Variants in TSNARE1 observed in about 807,000 individuals in gnomAD.
The protein encoded by TSNARE1 is t-SNARE domain containing 1, also known as t-SNARE domain-containing protein 1.
TSNARE1 carries 49 observed loss-of-function variants against 62.0 expected under a neutral mutation model. The observed-to-expected ratio is 0.79, with a 90% CI of 0.63 to 1.00. TSNARE1 has a LOEUF of 1.00. Ranked by LOEUF, TSNARE1 falls within the 50% of genes least tolerant of loss-of-function variation. TSNARE1 has a pLI of 0.00. For missense variants in TSNARE1, 755 were observed against 700.1 expected, an observed-to-expected ratio of 1.08 and a Z score of -0.88; for synonymous variants, 328 against 294.4, an observed-to-expected ratio of 1.11 and a Z score of -1.17.
intron 1 of TSNARE1, among the ~76,000 whole-genome samples, chr8:142,376,771 G>A (rs959044681): frequency 6.6e-5 from 10 of 152,130 alleles, no homozygotes; most frequent in South Asian, 2.1e-4. Flanking sequence ...CTGTAACCCC[G>A]AGTGGCAGAC....
In TSNARE1 at chr8:142,246,121, C is replaced by G. The variant is rs74894505; in HGVS notation, c.1447-16542G>C. On this transcript the variant is annotated intron_variant, in intron 12 of 13. Transcript: ENST00000524325. The stretch of plus-strand genomic sequence containing the variant: ...CCCCACTCTTCGGTTCCACAGCCCC[C>G]GTCCCATAAGGGTCCCAAAGAGGGT... 7.0e-3 allele frequency among the ~76,000 whole-genome samples: 1,067 copies of G among 152,316 alleles called. 7 individuals carry two copies. Among genetic ancestry groups the G allele is most frequent in the African/African-American group, 0.024 (992 of 41,564 alleles).
intron 4 of TSNARE1, 101 bp from the exon 5 acceptor site, chr8:142,331,932 G>C: frequency 8.4e-7 from 1 of 1,194,064 alleles, no homozygotes; most frequent in Non-Finnish European, 1.2e-6. Flanking sequence ...GCAGGGACCC[G>C]ACAGGCAGCA....
At chr8:142,343,401 A>G (rs1182964158) in intron 4 of TSNARE1, among the ~76,000 whole-genome samples, 1 of 151,406 alleles carries the variant, frequency 6.6e-6, no homozygotes, top group Non-Finnish European at 1.5e-5. Context: ...ACGCGTGGCC[A>G]TGGGGAGCGT....
chr8:142,306,482 C>A (rs1193397663), intron 9 of TSNARE1, among the ~76,000 whole-genome samples: 1 of 152,238 alleles, frequency 6.6e-6, no homozygotes, highest in Non-Finnish European at 1.5e-5. Flanking sequence ...TGAGCCCAAG[C>A]TGGGTCTGAG....
intron 6 of TSNARE1, chr8:142,326,239 T>G: frequency 7.1e-6 from 1 of 140,278 alleles, no homozygotes; most frequent in Admixed American, 8.3e-5. Context: ...ATGAGACGGA[T>G]GAGGAACCAG....
intron 1 of TSNARE1, among the ~76,000 whole-genome samples, chr8:142,391,047 G>GTAACAGACGCTGTACACTGCGGGGGACTC (rs1333442337): frequency 4.7e-4 from 59 of 124,944 alleles, no homozygotes; most frequent in Non-Finnish European, 7.7e-4. Context: ...GGGGGACTCT[G>GTAACAGACGCTGTACACTGCGGGGGACTC]TAACAGACGC....
intron 9 of TSNARE1, among the ~76,000 whole-genome samples, chr8:142,309,125 T>G (rs1184614618): frequency 2.0e-5 from 3 of 152,246 alleles, no homozygotes; most frequent in African/African-American, 7.2e-5. Context: ...CAATGTCTTC[T>G]TGTCTAGTGA....
At chr8:142,261,813 T>G (rs1818905995) in intron 12 of TSNARE1, among the ~76,000 whole-genome samples, 1 of 152,190 alleles carries the variant, frequency 6.6e-6, no homozygotes, top group African/African-American at 2.4e-5. Context: ...TCCTCCAACA[T>G]GCTACGAGTC....
chr8:142,365,478 A>C (rs75403822), intron 1 of TSNARE1, among the ~76,000 whole-genome samples: 5,989 of 152,312 alleles, frequency 0.039, 166 homozygotes, highest in Non-Finnish European at 0.056. Context: ...ATCCATGTCA[A>C]TGTCCTGATC....
chr8:142,382,057 C>A (rs1448670091), intron 1 of TSNARE1, among the ~76,000 whole-genome samples: 1 of 152,156 alleles, frequency 6.6e-6, no homozygotes, highest in Non-Finnish European at 1.5e-5. Context: ...CGTTCCCAGG[C>A]CCACGCGCCC....
intron 13 of TSNARE1, among the ~76,000 whole-genome samples, chr8:142,220,149 G>A (rs1000793464): frequency 1.3e-5 from 2 of 152,222 alleles, no homozygotes; most frequent in African/African-American, 2.4e-5. Flanking sequence ...CGGGCAGTGA[G>A]CTCCACGGCC....
intron 10 of TSNARE1, among the ~76,000 whole-genome samples, chr8:142,298,892 C>T (rs1366951032): frequency 6.6e-6 from 1 of 152,228 alleles, no homozygotes; most frequent in African/African-American, 2.4e-5. Flanking sequence ...CGTTTCTCCA[C>T]TCCTCTGGGA....
chr8:142,365,604 A>ACG (rs1554674600), intron 1 of TSNARE1, among the ~76,000 whole-genome samples: 2 of 87,562 alleles, frequency 2.3e-5, no homozygotes, highest in Non-Finnish European at 5.2e-5. Flanking sequence ...ATGCACACGC[A>ACG]CACACACACA....
intron 1 of TSNARE1, among the ~76,000 whole-genome samples, chr8:142,386,614 T>A (rs1837128171): frequency 6.6e-6 from 1 of 152,190 alleles, no homozygotes; most frequent in African/African-American, 2.4e-5. Context: ...GAGACACATT[T>A]AAAATAATTC....
intron 9 of TSNARE1, among the ~76,000 whole-genome samples, chr8:142,310,325 CCT>C (rs1586720673): frequency 6.6e-6 from 1 of 152,172 alleles, no homozygotes; most frequent in Admixed American, 6.5e-5. Context: ...ATTTGCCTCC[CCT>C]CTGTCTTCTG....
intron 1 of TSNARE1, among the ~76,000 whole-genome samples, chr8:142,391,493 AG>A (rs1837528228): frequency 6.6e-6 from 1 of 152,228 alleles, no homozygotes; most frequent in South Asian, 2.1e-4. Context: ...ACAAGAAGGA[AG>A]GAAGAGCTGC....
chr8:142,225,273 G>C (rs1215284138), intron 13 of TSNARE1, among the ~76,000 whole-genome samples: 4 of 151,758 alleles, frequency 2.6e-5, no homozygotes, highest in South Asian at 2.1e-4. Flanking sequence ...CGAGACCCCA[G>C]GGCTCTCCTG....
intron 12 of TSNARE1, among the ~76,000 whole-genome samples, chr8:142,238,084 C>T (rs1188531190): frequency 6.6e-6 from 1 of 152,146 alleles, no homozygotes; most frequent in Non-Finnish European, 1.5e-5. Context: ...CTGTGACTGT[C>T]AGGCATCCTG....
intron 12 of TSNARE1, among the ~76,000 whole-genome samples, chr8:142,242,830 T>A (rs1586828936): frequency 6.7e-6 from 1 of 149,696 alleles, no homozygotes; most frequent in Non-Finnish European, 1.5e-5. Flanking sequence ...GGCGTGGTGG[T>A]GGGCACCTGT....
Sources: gnomAD v4.1 joint callset for allele counts (sites outside exome capture counted in the v4.1 genomes callset) on GRCh38, gnomAD v4.1.1 for gene constraint, MANE v1.5 for transcripts, NCBI Gene and HGNC (gene_info 2026-07-23, HGNC 2026-07-21) for gene names.